Variants in MTMR6 observed in about 807,000 individuals in gnomAD.
MTMR6 encodes myotubularin related protein 6.
In MTMR6, 47 loss-of-function variants were observed where a neutral mutation model predicts 80.1. The observed-to-expected ratio is 0.59, with a 90% CI of 0.46 to 0.75. The LOEUF is 0.75. Among genes scored for constraint, MTMR6 ranks in the 30% least tolerant of loss-of-function variants. MTMR6 has a pLI of 0.00. For missense variants in MTMR6, 629 were observed against 730.9 expected (o/e 0.86, Z 1.61); for synonymous variants, 254 against 253.0 (o/e 1.00, Z -0.04).
In MTMR6 at chr13:25,249,119, C is replaced by A; in HGVS notation, c.*113G>T. ...TATCCTTCCTTCAACTATTAGCCTA[C>A]TGTTAAACCCTAAAATTGTTATTAG... On this transcript the variant is annotated 3_prime_UTR_variant, in exon 14 of 14. Transcript: ENST00000381801. 8.7e-7 allele frequency: 1 copy of A among 1,153,024 alleles called. No individual in the cohort carries two copies. Among genetic ancestry groups the A allele is most frequent in the Non-Finnish European group, 1.2e-6 (1 of 822,388 alleles). The allele number at this position is 1,153,024 out of a possible 1,614,324, so 71.4% of individuals were successfully genotyped here.
chr13:25,283,359 A>G (rs1957899557), intron 1 of MTMR6, among the ~76,000 whole-genome samples: 1 of 152,194 alleles, frequency 6.6e-6, no homozygotes, highest in Non-Finnish European at 1.5e-5. Flanking sequence ...ATGGGATAGT[A>G]TTAGTGAAAA....
At chr13:25,265,453 G>A (rs770251570) in intron 5 of MTMR6, among the ~76,000 whole-genome samples, 1 of 152,116 alleles carries the variant, frequency 6.6e-6, no homozygotes, top group African/African-American at 2.4e-5. Flanking sequence ...AAAAAATAGT[G>A]TTCTTGATCC....
intron 5 of MTMR6, 73 bp downstream of exon 5, chr13:25,265,746 A>G: frequency 1.4e-6 from 2 of 1,457,750 alleles, no homozygotes; most frequent in South Asian, 1.3e-5. Flanking sequence ...AAAAAAAAAA[A>G]GTGTTATTTT....
intron 1 of MTMR6, among the ~76,000 whole-genome samples, chr13:25,274,961 T>TACAAAC (rs1957680163): frequency 9.5e-6 from 1 of 104,988 alleles, no homozygotes; most frequent in Non-Finnish European, 1.9e-5. Context: ...CACACACACA[T>TACAAAC]ACACACACAC....
chr13:25,256,583 C>T (rs569228345), intron 9 of MTMR6, among the ~76,000 whole-genome samples: 300 of 152,134 alleles, frequency 2.0e-3, no homozygotes, highest in African/African-American at 6.9e-3. Flanking sequence ...TCTGCTCACA[C>T]GTTTAAAAGC....
rs1318280588 is a variant in MTMR6, at chr13:25,247,770, T to C, written c.*1462A>G. On this transcript the variant is annotated 3_prime_UTR_variant, in exon 14 of 14. Coordinates refer to ENST00000381801, the MANE Select transcript of MTMR6 (RefSeq NM_004685.5). ...TAAGATAAGCTCTCATACAATAAAG[T>C]TTTTTTTGGTCTGAAAAAGATGTTT... 3.3e-5 allele frequency: 5 copies of C among 151,976 alleles called. 1 individual carries two copies. The South Asian group carries it at 8.3e-4, about 25-fold the overall frequency. 9.4% of individuals were successfully genotyped at this position (151,976 alleles called of 1,614,324 possible). A position where few individuals can be genotyped will look rare whatever the true frequency, so the allele number is the denominator to read the frequency against.
chr13:25,287,381 G>A lies in MTMR6; in HGVS notation c.-134C>T. ...CGCCGCGGGTCTGTCTGCCGGCCCC[G>A]GTGGCGTCAACGGCGCAGGTGCAGC... On this transcript the variant is annotated 5_prime_UTR_variant, in exon 1 of 14. Coordinates refer to ENST00000381801, the MANE Select transcript of MTMR6 (RefSeq NM_004685.5). The A allele has an allele frequency of 8.1e-7, 1 of 1,241,672 alleles. No homozygotes were observed. The highest frequency in any genetic ancestry group is 2.6e-5 in the East Asian group (1 of 39,166). The allele number at this position is 1,241,672 out of a possible 1,614,324, so 76.9% of individuals were successfully genotyped here.
At chr13:25,266,501 A>C (rs1957456715) in intron 3 of MTMR6, among the ~76,000 whole-genome samples, 1 of 152,248 alleles carries the variant, frequency 6.6e-6, no homozygotes, top group African/African-American at 2.4e-5. Context: ...AACAAAAGTA[A>C]AGCTAATAAA....
In MTMR6 at chr13:25,251,600, GTAAAC is replaced by G. The variant is rs1226116965; in HGVS notation, c.1605+44_1605+48del. 1 of 1,367,698 alleles carries G rather than the reference GTAAAC, an allele frequency of 7.3e-7. No individual in the cohort carries two copies. The highest frequency in any genetic ancestry group is 2.0e-5 in the African/African-American group (1 of 49,412). The allele number at this position is 1,367,698 out of a possible 1,614,324, so 84.7% of individuals were successfully genotyped here. ...CAACAATACAAATATTAGTCTAATC[GTAAAC>G]TAATTTCACATTCCAAATATATTAG... On this transcript the variant is annotated intron_variant, in intron 13 of 13. Transcript: ENST00000381801. The surrounding 1 kb of genome is among the most constrained non-coding windows in gnomAD (Gnocchi z 4.1).
chr13:25,260,238 G>A (rs1479005809), intron 6 of MTMR6, among the ~76,000 whole-genome samples: 2 of 150,128 alleles, frequency 1.3e-5, no homozygotes, highest in African/African-American at 4.9e-5. Context: ...GCGTGATCTC[G>A]GCTCACCACA....
chr13:25,267,678 A>G, intron 3 of MTMR6, 101 bp downstream of exon 3: 1 of 1,231,866 alleles, frequency 8.1e-7, no homozygotes, highest in Non-Finnish European at 1.1e-6. Context: ...TGACTGTCAG[A>G]GCAAAAAAGG....
At chr13:25,255,025 C>A (rs1040874062) in intron 9 of MTMR6, among the ~76,000 whole-genome samples, 9 of 152,212 alleles carry the variant, frequency 5.9e-5, no homozygotes, top group African/African-American at 2.2e-4. Context: ...AGCTTCTCTA[C>A]TTACCCACTC....
At chr13:25,249,558 G>T in intron 13 of MTMR6, 66 bp from the exon 14 acceptor site, 1 of 1,507,298 alleles carries the variant, frequency 6.6e-7, no homozygotes, top group African/African-American at 1.4e-5. Flanking sequence ...CATGAAAAAA[G>T]AAAACATGCT....
intron 5 of MTMR6, among the ~76,000 whole-genome samples, chr13:25,264,059 CA>C (rs1957396951): frequency 6.6e-6 from 1 of 151,864 alleles, no homozygotes; most frequent in Non-Finnish European, 1.5e-5. Context: ...CTGAGCAAAA[CA>C]ATAACTAATG....
At chr13:25,284,458 A>G (rs1302531756) in intron 1 of MTMR6, among the ~76,000 whole-genome samples, 8 of 152,152 alleles carry the variant, frequency 5.3e-5, no homozygotes, top group Non-Finnish European at 1.2e-4. Context: ...TTATAAAGTA[A>G]TAATATTGTA....
chr13:25,274,023 C>G (rs752333649), intron 2 of MTMR6, 48 bp downstream of exon 2: 2 of 1,220,354 alleles, frequency 1.6e-6, no homozygotes, highest in Admixed American at 4.3e-5. Context: ...CATGACAGAC[C>G]AAGTCCATTA....
chr13:25,274,213 T>C (rs748470681), intron 1 of MTMR6, 26 bp from the exon 2 acceptor site: 1 of 1,460,622 alleles, frequency 6.8e-7, no homozygotes, highest in Non-Finnish European at 9.5e-7. Context: ...ATATTATTTC[T>C]CATTTCAAAA....
At position 25,248,063 on chromosome 13, in the gene MTMR6, T is replaced by C. The variant is rs1957017394; in HGVS notation, c.*1169A>G. 1 of 152,138 alleles carries C rather than the reference T, an allele frequency of 6.6e-6. No individual in the cohort carries two copies. The highest frequency in any genetic ancestry group is 2.1e-4 in the South Asian group (1 of 4,838). 9.4% of individuals were successfully genotyped at this position (152,138 alleles called of 1,614,324 possible). A position where few individuals can be genotyped will look rare whatever the true frequency, so the allele number is the denominator to read the frequency against. ...AAAATGAAATCTTTCCCAGAGTTTA[T>C]GTTGCTTTTGTTAAACAGTAACTTT... On this transcript the variant is annotated 3_prime_UTR_variant, in exon 14 of 14. Transcript: ENST00000381801.
At chr13:25,256,185 C>T (rs889161459) in intron 9 of MTMR6, among the ~76,000 whole-genome samples, 21 of 152,210 alleles carry the variant, frequency 1.4e-4, no homozygotes, top group African/African-American at 4.6e-4. Context: ...CACACATTAC[C>T]TGCAGTCACC....
Sources: gnomAD v4.1 joint callset for allele counts (sites outside exome capture counted in the v4.1 genomes callset) on GRCh38, gnomAD v4.1.1 for gene constraint, Gnocchi (gnomAD v3.1) non-coding constraint, MANE v1.5 for transcripts, NCBI Gene and HGNC (gene_info 2026-07-23, HGNC 2026-07-21) for gene names.